LDB2: variants seen among roughly 807,000 people sequenced by gnomAD.
LDB2 encodes the protein LIM domain binding 2, also known as LIM domain-binding protein 2.
LDB2 carries 12 observed loss-of-function variants against 44.3 expected under a neutral mutation model. The observed-to-expected ratio is 0.27, with a 90% CI of 0.17 to 0.44. LDB2 has a LOEUF of 0.44. Among genes scored for constraint, LDB2 ranks in the 20% least tolerant of loss-of-function variants. LDB2 has a pLI of 1.00. For synonymous variants in LDB2, 164 were observed against 174.8 expected (o/e 0.94, Z 0.49); for missense variants, 344 against 473.5 (o/e 0.73, Z 2.54).
At chr4:16,681,051 A>C (rs1747709805) in intron 2 of LDB2, among the ~76,000 whole-genome samples, 1 of 152,230 alleles carries the variant, frequency 6.6e-6, no homozygotes, top group African/African-American at 2.4e-5. Context: ...TGCTATAAAG[A>C]GATTTTACAG....
intron 2 of LDB2, among the ~76,000 whole-genome samples, chr4:16,685,988 G>A (rs767595012): frequency 5.3e-5 from 8 of 152,110 alleles, no homozygotes; most frequent in Non-Finnish European, 1.2e-4. Flanking sequence ...GGAGGTGGAG[G>A]TTTCAGTGAG....
intron 2 of LDB2, among the ~76,000 whole-genome samples, chr4:16,697,461 C>CAA (rs536264550): frequency 7.2e-5 from 10 of 138,368 alleles, no homozygotes; most frequent in Non-Finnish European, 9.4e-5. Flanking sequence ...GACTCCGTCC[C>CAA]AAAAAAAAAA....
At chr4:16,567,745 G>A (rs932819606) in intron 5 of LDB2, among the ~76,000 whole-genome samples, 6 of 152,150 alleles carry the variant, frequency 3.9e-5, no homozygotes, top group African/African-American at 1.2e-4. Context: ...ACTCCAGCCT[G>A]GGCGACAGAG....
At chr4:16,830,260 G>A (rs1783823852) in intron 1 of LDB2, among the ~76,000 whole-genome samples, 1 of 152,140 alleles carries the variant, frequency 6.6e-6, no homozygotes, top group African/African-American at 2.4e-5. Flanking sequence ...CATGCGGGTG[G>A]TTTCCCCCAC....
At chr4:16,741,017 T>C (rs745464086) in intron 2 of LDB2, among the ~76,000 whole-genome samples, 1 of 152,234 alleles carries the variant, frequency 6.6e-6, no homozygotes, top group African/African-American at 2.4e-5. Flanking sequence ...GCATTCACTT[T>C]CTCAAGTAAT....
Position 16,898,400 on chromosome 4 carries a change from T to G in LDB2, c.86A>C (p.Glu29Ala), listed in dbSNP as rs1441583538. The change falls in exon 1 of 8, where the codon GAG becomes GCG. Residue 29 changes from glutamate (E) to alanine (A), a missense_variant. Transcript: ENST00000304523. ...RRHTPYMVQP[E>A]YRIYEMNKRL... ...CTTGTTCATCTCATAGATTCGGTAC[T>G]CTGGCTGTACCATGTATGGTGTATG... The G allele has an allele frequency of 6.2e-7, 1 of 1,613,756 alleles. No homozygotes were observed. The highest frequency in any genetic ancestry group is 8.5e-7 in the Non-Finnish European group (1 of 1,179,774).
chr4:16,745,330 G>A (rs563100688), intron 2 of LDB2, among the ~76,000 whole-genome samples: 26 of 152,300 alleles, frequency 1.7e-4, no homozygotes, highest in Non-Finnish European at 8.8e-5. Flanking sequence ...GAGCCCAGGC[G>A]GGGAGACTGC....
At chr4:16,759,575 A>T (rs187812184) in intron 1 of LDB2, among the ~76,000 whole-genome samples, 213 of 152,366 alleles carry the variant, frequency 1.4e-3, no homozygotes, top group Non-Finnish European at 2.5e-3. Context: ...TTTGCATTTA[A>T]TGTAAAATAC....
chr4:16,851,948 G>A (rs1035129631), intron 1 of LDB2, among the ~76,000 whole-genome samples: 1 of 152,194 alleles, frequency 6.6e-6, no homozygotes, highest in Non-Finnish European at 1.5e-5. Flanking sequence ...ATTAATGGCT[G>A]CCCAGTGTTC....
chr4:16,672,828 C>T (rs201519278), intron 2 of LDB2, among the ~76,000 whole-genome samples: 1,946 of 147,106 alleles, frequency 0.013, 25 homozygotes, highest in East Asian at 0.035. Flanking sequence ...GCCTGCCTGC[C>T]TTCTTTCCTT....
chr4:16,723,168 T>C lies in LDB2; in HGVS notation c.235+35990A>G, dbSNP rs139140895. 1.1e-3 allele frequency among the ~76,000 whole-genome samples: 174 copies of C among 152,230 alleles called. 1 individual carries two copies. The highest frequency in any genetic ancestry group is 4.1e-3 in the African/African-American group (169 of 41,544). ...TGAGAAAGAATGTTTAAGAATAAGGTATTAGGATAACCTAGCTCCCTGTCT... is the reference window on the plus strand; with the variant it reads ...TGAGAAAGAATGTTTAAGAATAAGGCATTAGGATAACCTAGCTCCCTGTCT... On this transcript the variant is annotated intron_variant, in intron 2 of 7. Coordinates refer to ENST00000304523, the MANE Select transcript of LDB2 (RefSeq NM_001290.5).
At chr4:16,618,037 C>T (rs1727813023) in intron 2 of LDB2, among the ~76,000 whole-genome samples, 1 of 152,152 alleles carries the variant, frequency 6.6e-6, no homozygotes, top group South Asian at 2.1e-4. Flanking sequence ...ACTACTTCCT[C>T]CAGGGTGCCT....
At chr4:16,661,942 T>G (rs1230282773) in intron 2 of LDB2, among the ~76,000 whole-genome samples, 1 of 152,162 alleles carries the variant, frequency 6.6e-6, no homozygotes, top group African/African-American at 2.4e-5. Context: ...CACTCGCTCT[T>G]GGAAGATCTC....
intron 1 of LDB2, among the ~76,000 whole-genome samples, chr4:16,780,488 G>A (rs1222942165): frequency 6.6e-6 from 1 of 152,184 alleles, no homozygotes; most frequent in Non-Finnish European, 1.5e-5. Flanking sequence ...CTCCCAAAGT[G>A]ATGGGATTTC....
intron 3 of LDB2, among the ~76,000 whole-genome samples, chr4:16,592,503 T>TACAC (rs1437537917): frequency 2.6e-4 from 34 of 129,940 alleles, no homozygotes; most frequent in South Asian, 7.1e-4. Flanking sequence ...TATATATATA[T>TACAC]ATACACACAC....
chr4:16,809,408 G>T (rs2109833029), intron 1 of LDB2, among the ~76,000 whole-genome samples: 1 of 152,304 alleles, frequency 6.6e-6, no homozygotes, highest in Middle Eastern at 3.4e-3. Flanking sequence ...CCAGGACTGA[G>T]GGTGAGAATC....
intron 2 of LDB2, among the ~76,000 whole-genome samples, chr4:16,691,055 G>A (rs1750670995): frequency 6.6e-6 from 1 of 152,034 alleles, no homozygotes; most frequent in Non-Finnish European, 1.5e-5. Flanking sequence ...TCTAAGACTT[G>A]TTGCATAACT....
intron 2 of LDB2, among the ~76,000 whole-genome samples, chr4:16,757,141 T>G (rs1766830587): frequency 6.6e-6 from 1 of 152,202 alleles, no homozygotes; most frequent in Non-Finnish European, 1.5e-5. Flanking sequence ...TACCAGCGCC[T>G]GAGCTCAGAG....
intron 2 of LDB2, among the ~76,000 whole-genome samples, chr4:16,671,173 A>C (rs1175881089): frequency 1.3e-5 from 2 of 152,138 alleles, no homozygotes. Flanking sequence ...CTCCCTCTTA[A>C]AATTTGGAAG....
Sources: gnomAD v4.1 joint callset for allele counts (sites outside exome capture counted in the v4.1 genomes callset) on GRCh38, gnomAD v4.1.1 for gene constraint, MANE v1.5 for transcripts, NCBI Gene and HGNC (gene_info 2026-07-23, HGNC 2026-07-21) for gene names.